The following ZBTB39 variants were observed in gnomAD, a reference collection of about 807,000 sequenced individuals.
ZBTB39 encodes zinc finger and BTB domain-containing protein 39.
ZBTB39 carries 25 observed loss-of-function variants against 39.4 expected under a neutral mutation model. That is an observed-to-expected ratio of 0.63 (90% CI 0.46 to 0.89). The LOEUF (loss-of-function observed/expected upper bound fraction) is 0.89. Among genes scored for constraint, ZBTB39 ranks in the 40% least tolerant of loss-of-function variants. The probability of loss-of-function intolerance (pLI) is 0.00; values close to 1 mark genes in which losing one functional copy is unlikely to be tolerated. For synonymous variants in ZBTB39, 373 were observed against 359.6 expected (o/e 1.04, Z -0.42); for missense variants, 891 against 909.7 (o/e 0.98, Z 0.26).
Position 57,003,640 on chromosome 12 carries a change from G to A in ZBTB39, c.1278C>T (p.Asn426=), listed in dbSNP as rs761685292. Reference sequence around the variant, plus strand: ...GATCGTTGGGGTGGACAATGATGTTGTTCTCAAATATTCCATCCCGTCGGT... The same window carrying A: ...GATCGTTGGGGTGGACAATGATGTTATTCTCAAATATTCCATCCCGTCGGT... The part of the protein sequence containing the change: ...TLHRRDGIFE[N]NIIVHPNDPL... The change falls in exon 2 of 2, where the codon AAC becomes AAT. Residue 426 remains asparagine, a synonymous_variant. Transcript: ENST00000300101. This position sits in a 1 kb window ranked among gnomAD's most constrained non-coding sequence, Gnocchi z 4.8. The A allele has an allele frequency of 3.2e-5, 52 of 1,614,228 alleles. 1 individual carries two copies. In the East Asian group the frequency reaches 1.1e-3, roughly 33 times the overall value.
rs146220797 is a variant in ZBTB39, at chr12:57,003,905, C to G, written c.1013G>C (p.Arg338Pro). 1 of 1,614,156 alleles carries G rather than the reference C, an allele frequency of 6.2e-7. No homozygotes were observed. The highest frequency in any genetic ancestry group is 1.7e-5 in the Admixed American group (1 of 60,028). Reference sequence around the variant, plus strand: ...CTGGCAGGGCATGGCCTTATTCTCCCGATTGTCATTCTCTCCAAAAGCCAA... The same window carrying G: ...CTGGCAGGGCATGGCCTTATTCTCCGGATTGTCATTCTCTCCAAAAGCCAA... ...DELAFGENDN[R>P]ENKAMPCQVC... Residue 338 changes from arginine (R) to proline (P), a missense_variant, in exon 2 of 2, where the codon CGG becomes CCG. Transcript: ENST00000300101. This position sits in a 1 kb window ranked among gnomAD's most constrained non-coding sequence, Gnocchi z 4.8.
chr12:57,005,520 C>T (rs1293543792), intron 1 of ZBTB39, among the ~76,000 whole-genome samples: 1 of 152,178 alleles, frequency 6.6e-6, no homozygotes, highest in Non-Finnish European at 1.5e-5. Flanking sequence ...ATACTACATA[C>T]CCGCTCTCTG....
chr12:57,003,654 C>A lies in ZBTB39; in HGVS notation c.1264G>T (p.Gly422Ter). The change falls in exon 2 of 2, where the codon GGA (glycine) becomes TGA (stop). Residue 422 changes from glycine to a stop codon, truncating the protein, a stop_gained. Coordinates refer to ENST00000300101, the MANE Select transcript of ZBTB39 (RefSeq NM_014830.3). LOFTEE classifies it high-confidence loss of function. The surrounding 1 kb of genome is among the most constrained non-coding windows in gnomAD (Gnocchi z 4.8). Reference sequence around the variant, plus strand: ...ACAATGATGTTGTTCTCAAATATTCCATCCCGTCGGTGAAGGGTCAGCTGC... The same window carrying A: ...ACAATGATGTTGTTCTCAAATATTCAATCCCGTCGGTGAAGGGTCAGCTGC... ...QWQLTLHRRDGIFENNIIVHP... is the reference protein window; with the variant it reads ...QWQLTLHRRD The A allele has an allele frequency of 6.2e-7, 1 of 1,614,190 alleles. No individual in the cohort carries two copies. The highest frequency in any genetic ancestry group is 8.5e-7 in the Non-Finnish European group (1 of 1,180,046).
rs1324479680 is a variant in ZBTB39 at position 56,999,858 on chromosome 12, C to T, written c.*2921G>A. ...TTAATAATTTATGAATAAGAGGGCT[C>T]CACAAATGATGTAGCTGGTCCTGAG... On this transcript the variant is annotated 3_prime_UTR_variant, in exon 2 of 2. Coordinates refer to ENST00000300101, the MANE Select transcript of ZBTB39 (RefSeq NM_014830.3). 1.3e-5 allele frequency: 2 copies of T among 152,050 alleles called. No individual in the cohort carries two copies. The highest frequency in any genetic ancestry group is 2.9e-5 in the Non-Finnish European group (2 of 68,020). 9.4% of individuals were successfully genotyped at this position (152,050 alleles called of 1,614,324 possible).
In ZBTB39 at chr12:57,003,904, C is replaced by T. The variant is rs1425528574; in HGVS notation, c.1014G>A (p.Arg338=). 1 of 1,614,142 alleles carries T rather than the reference C, an allele frequency of 6.2e-7. No individual in the cohort carries two copies. Among genetic ancestry groups the T allele is most frequent in the Non-Finnish European group, 8.5e-7 (1 of 1,180,024 alleles). Residue 338 remains arginine (R), a synonymous_variant, in exon 2 of 2, where the codon CGG becomes CGA. Coordinates refer to ENST00000300101, the MANE Select transcript of ZBTB39 (RefSeq NM_014830.3). The surrounding 1 kb of genome is among the most constrained non-coding windows in gnomAD (Gnocchi z 4.8). ...CCTGGCAGGGCATGGCCTTATTCTC[C>T]CGATTGTCATTCTCTCCAAAAGCCA... ...DELAFGENDN[R]ENKAMPCQVC... is the part of the protein sequence containing the mutation.
Position 57,004,492 on chromosome 12 carries a change from A to G in ZBTB39, c.426T>C (p.Ser142=). Residue 142 remains serine (S), a synonymous_variant, in exon 2 of 2, where the codon TCT becomes TCC. Transcript: ENST00000300101. ...CTGCCGAAGGACAACTCAGGGTACCAGAGTGGCTCTCACTGGTGCTGGTCA... is the reference window on the plus strand; with the variant it reads ...CTGCCGAAGGACAACTCAGGGTACCGGAGTGGCTCTCACTGGTGCTGGTCA... ...KPLTSTSESH[S]GTLSCPSAEP... 1.9e-6 allele frequency: 3 copies of G among 1,614,216 alleles called. No homozygotes were observed. The highest frequency in any genetic ancestry group is 2.5e-6 in the Non-Finnish European group (3 of 1,180,040).
chr12:57,003,464 CA>C lies in ZBTB39; in HGVS notation c.1453del (p.Cys485AlafsTer39). 6.2e-7 allele frequency: 1 copy of C among 1,613,610 alleles called. No individual in the cohort carries two copies. Among genetic ancestry groups the C allele is most frequent in the Admixed American group, 1.7e-5 (1 of 60,024 alleles). Reference protein sequence around the residue: ...LNLKGQACSVCDQRHLNLCSL... With the variant: ...LNLKGQACSVXDQRHLNLCSL... Reference sequence around the variant, plus strand: ...GCAGAGGTTAAGGTGACGCTGGTCGCAGACACTGCAGGCCTGGCCCTTCAAG... The same window carrying C: ...GCAGAGGTTAAGGTGACGCTGGTCGCGACACTGCAGGCCTGGCCCTTCAAG... On this transcript the variant is annotated frameshift_variant, in exon 2 of 2. Transcript: ENST00000300101. LOFTEE classifies it high-confidence loss of function. The surrounding 1 kb of genome is among the most constrained non-coding windows in gnomAD (Gnocchi z 4.8).
chr12:57,000,313 AG>A lies in ZBTB39; in HGVS notation c.*2465del, dbSNP rs1431658192. On this transcript the variant is annotated 3_prime_UTR_variant, in exon 2 of 2. Coordinates refer to ENST00000300101, the MANE Select transcript of ZBTB39 (RefSeq NM_014830.3). ...CAGCCCCCGGGGGATCAGGGGATGC[AG>A]TTTTCTGTTTCGTGTTTCAAGGGCC... 6.6e-6 allele frequency: 1 copy of A among 152,584 alleles called. No individual in the cohort carries two copies. The highest frequency in any genetic ancestry group is 1.5e-5 in the Non-Finnish European group (1 of 68,030). The allele number at this position is 152,584 out of a possible 1,614,324, so 9.5% of individuals were successfully genotyped here.
In ZBTB39 at chr12:56,999,255, T is replaced by A. The variant is rs182372141; in HGVS notation, c.*3524A>T. 2.0e-5 allele frequency: 3 copies of A among 152,266 alleles called. No individual in the cohort carries two copies. Among genetic ancestry groups the A allele is most frequent in the Admixed American group, 2.0e-4 (3 of 15,302 alleles). The allele number at this position is 152,266 out of a possible 1,614,324, so 9.4% of individuals were successfully genotyped here. ...AGGATTTAGGGAAAAGAGTCCCAGA[T>A]GGGTGCAGACCACCCCATAGAGCCC... On this transcript the variant is annotated 3_prime_UTR_variant, in exon 2 of 2. Coordinates refer to ENST00000300101, the MANE Select transcript of ZBTB39 (RefSeq NM_014830.3).
chr12:57,004,712 G>C lies in ZBTB39; in HGVS notation c.206C>G (p.Thr69Ser). ...FLNTGLDAARTYVVDFITPAN... is the reference protein window; with the variant it reads ...FLNTGLDAARSYVVDFITPAN... ...AGGGGTGATGAAGTCCACCACATAGGTCCTGGCAGCATCAAGCCCAGTATT... is the reference window on the plus strand; with the variant it reads ...AGGGGTGATGAAGTCCACCACATAGCTCCTGGCAGCATCAAGCCCAGTATT... The change falls in exon 2 of 2, where the codon ACC (threonine) becomes AGC (serine). Residue 69 changes from threonine to serine, a missense_variant. Physicochemically the swap from Thr to Ser is moderately conservative, Grantham distance 58. Transcript: ENST00000300101. The C allele has an allele frequency of 6.2e-7, 1 of 1,614,184 alleles. No individual in the cohort carries two copies. The highest frequency in any genetic ancestry group is 8.5e-7 in the Non-Finnish European group (1 of 1,180,010).
Position 57,002,985 on chromosome 12 carries a change from G to C in ZBTB39, c.1933C>G (p.Arg645Gly). The C allele has an allele frequency of 6.2e-7, 1 of 1,614,194 alleles. No individual in the cohort carries two copies. Among genetic ancestry groups the C allele is most frequent in the African/African-American group, 1.3e-5 (1 of 75,042 alleles). The change falls in exon 2 of 2, where the codon CGC becomes GGC. Residue 645 changes from arginine to glycine, a missense_variant. Physicochemically the swap from Arg to Gly is moderately radical, Grantham distance 125. Transcript: ENST00000300101. ...TTTAGGTGGCACTTGATGGTCGAGCGGCCTCGAAAGAACTTGTGGCACACC... is the reference window on the plus strand; with the variant it reads ...TTTAGGTGGCACTTGATGGTCGAGCCGCCTCGAAAGAACTTGTGGCACACC... ...CKVCHKFFRGRSTIKCHLKTH... is the reference protein window; with the variant it reads ...CKVCHKFFRGGSTIKCHLKTH...
In ZBTB39 at chr12:56,998,900, G is replaced by T. The variant is rs1405280317; in HGVS notation, c.*3879C>A. The T allele has an allele frequency of 6.6e-6, 1 of 152,566 alleles. No individual in the cohort carries two copies. Among genetic ancestry groups the T allele is most frequent in the Non-Finnish European group, 1.5e-5 (1 of 68,008 alleles). 9.5% of individuals were successfully genotyped at this position (152,566 alleles called of 1,614,324 possible). A position where few individuals can be genotyped will look rare whatever the true frequency, so the allele number is the denominator to read the frequency against. ...TTGTGCTGAACAATGGAATATAAAA[G>T]AATCAGATGTACAATGATTTTAGAC... is the stretch of plus-strand genomic sequence containing the variant. On this transcript the variant is annotated 3_prime_UTR_variant, in exon 2 of 2. Coordinates refer to ENST00000300101, the MANE Select transcript of ZBTB39 (RefSeq NM_014830.3).
At position 57,004,106 on chromosome 12, in the gene ZBTB39, G is replaced by C. The variant is rs1174785078; in HGVS notation, c.812C>G (p.Thr271Ser). ...LTPDNAVDIT[T>S]GTNSCLSNSE... Reference sequence around the variant, plus strand: ...ATTGCTCAGACAGGAGTTGGTCCCAGTGGTAATGTCTACTGCATTGTCAGG... The same window carrying C: ...ATTGCTCAGACAGGAGTTGGTCCCACTGGTAATGTCTACTGCATTGTCAGG... Residue 271 changes from threonine to serine, a missense_variant, in exon 2 of 2, where the codon ACT becomes AGT. Transcript: ENST00000300101. 3.1e-6 allele frequency: 5 copies of C among 1,614,242 alleles called. No homozygotes were observed. The South Asian group carries it at 5.5e-5, about 18-fold the overall frequency.
intron 1 of ZBTB39, among the ~76,000 whole-genome samples, chr12:57,005,326 A>G (rs977229724): frequency 6.6e-6 from 1 of 152,218 alleles, no homozygotes; most frequent in Non-Finnish European, 1.5e-5. Context: ...TTCATTGAGC[A>G]TATTCTTTTC....
chr12:57,003,372 T>C lies in ZBTB39; in HGVS notation c.1546A>G (p.Ser516Gly). 1 of 1,614,112 alleles carries C rather than the reference T, an allele frequency of 6.2e-7. No individual in the cohort carries two copies. Among genetic ancestry groups the C allele is most frequent in the Non-Finnish European group, 8.5e-7 (1 of 1,179,954 alleles). ...SVFSCSVCAN[S>G]FVDWHLLEKH... ...TCTAGAAGATGCCAGTCCACAAAGC[T>C]GTTCGCACAGACAGAACAGGAGAAG... is the stretch of plus-strand genomic sequence containing the variant. The change falls in exon 2 of 2, where the codon AGC becomes GGC. Residue 516 changes from serine (S) to glycine (G), a missense_variant. Coordinates refer to ENST00000300101, the MANE Select transcript of ZBTB39 (RefSeq NM_014830.3). This position sits in a 1 kb window ranked among gnomAD's most constrained non-coding sequence, Gnocchi z 4.8.
chr12:57,004,060 AGG>A lies in ZBTB39; in HGVS notation c.856_857del (p.Pro286TrpfsTer7). The A allele has an allele frequency of 6.2e-7, 1 of 1,614,244 alleles. No individual in the cohort carries two copies. The highest frequency in any genetic ancestry group is 8.5e-7 in the Non-Finnish European group (1 of 1,180,042). On this transcript the variant is annotated frameshift_variant, in exon 2 of 2. Coordinates refer to ENST00000300101, the MANE Select transcript of ZBTB39 (RefSeq NM_014830.3). LOFTEE classifies it high-confidence loss of function. ...CLSNSEHSKDPGFGQMDELQL... is the reference protein window; with the variant it reads ...CLSNSEHSKDXGFGQMDELQL... ...GGAGCTCATCCATCTGCCCAAAGCC[AGG>A]ATCTTTGGAGTGCTCACTATTGCTC...
chr12:57,005,409 T>C (rs1442885297), intron 1 of ZBTB39, among the ~76,000 whole-genome samples: 2 of 152,200 alleles, frequency 1.3e-5, no homozygotes, highest in African/African-American at 2.4e-5. Flanking sequence ...GAGGAACATA[T>C]AAGGTGGTTC....
Position 57,003,708 on chromosome 12 carries a change from T to A in ZBTB39, c.1210A>T (p.Met404Leu). Reference sequence around the variant, plus strand: ...TGGGTAAAGAACTTAGTTTCACACATGTCGCAGGAGAAAAGGAAAATACCA... The same window carrying A: ...TGGGTAAAGAACTTAGTTTCACACAAGTCGCAGGAGAAAAGGAAAATACCA... ...HIGIFLFSCD[M>L]CETKFFTQWQ... Residue 404 changes from methionine to leucine, a missense_variant, in exon 2 of 2, where the codon ATG becomes TTG. Physicochemically the swap from Met to Leu is conservative, Grantham distance 15. Transcript: ENST00000300101. The surrounding 1 kb of genome is among the most constrained non-coding windows in gnomAD (Gnocchi z 4.8). 5.0e-6 allele frequency: 8 copies of A among 1,614,082 alleles called. No individual in the cohort carries two copies. Among genetic ancestry groups the A allele is most frequent in the Non-Finnish European group, 6.8e-6 (8 of 1,179,978 alleles).
Position 57,001,612 on chromosome 12 carries a change from G to A in ZBTB39, c.*1167C>T, listed in dbSNP as rs1013936778. ...CAGCTGCCATCCAATAGCGCCCCCT[G>A]GAGGTGATGGCAACGACAGATCAGG... On this transcript the variant is annotated 3_prime_UTR_variant, in exon 2 of 2. Coordinates refer to ENST00000300101, the MANE Select transcript of ZBTB39 (RefSeq NM_014830.3). The A allele has an allele frequency of 1.3e-5, 2 of 152,804 alleles. No individual in the cohort carries two copies. The highest frequency in any genetic ancestry group is 2.1e-4 in the South Asian group (1 of 4,834). 9.5% of individuals were successfully genotyped at this position (152,804 alleles called of 1,614,324 possible).
Sources: allele counts gnomAD v4.1 joint callset (sites outside exome capture counted in the v4.1 genomes callset), GRCh38; gene constraint gnomAD v4.1.1; non-coding constraint Gnocchi (gnomAD v3.1); transcripts MANE v1.5; gene names NCBI Gene and HGNC (gene_info 2026-07-23, HGNC 2026-07-21).